The following ADIPOR2 variants were observed in gnomAD, a reference collection of about 807,000 sequenced individuals.
ADIPOR2 encodes the protein adiponectin receptor 2.
A neutral mutation model predicts 40.9 loss-of-function variants in ADIPOR2; 18 were observed. That is an observed-to-expected ratio of 0.44 (90% CI 0.30 to 0.65). The LOEUF is 0.65. ADIPOR2 is among the 30% of genes least tolerant of loss of function. The pLI is 0.09. For missense variants in ADIPOR2, 283 were observed against 479.2 expected (o/e 0.59, Z 3.82); for synonymous variants, 165 against 166.4 (o/e 0.99, Z 0.06).
At chr12:1,695,915 T>A (rs1425262293) in intron 1 of ADIPOR2, 1 of 152,102 alleles carries the variant, frequency 6.6e-6, no homozygotes, top group Non-Finnish European at 1.5e-5. Flanking sequence ...GGAATGCTTA[T>A]TTTTTTTGAC....
At chr12:1,753,988 T>C (rs977533511) in intron 1 of ADIPOR2, among the ~76,000 whole-genome samples, 2 of 152,222 alleles carry the variant, frequency 1.3e-5, no homozygotes, top group Admixed American at 1.3e-4. Flanking sequence ...TATTTTTCAT[T>C]AATTATTCTA....
intron 1 of ADIPOR2, among the ~76,000 whole-genome samples, chr12:1,693,419 A>C (rs1007121480): frequency 5.9e-5 from 9 of 152,246 alleles, no homozygotes; most frequent in African/African-American, 2.2e-4. Context: ...AGTTATTTAC[A>C]AGTACACCAC....
intron 1 of ADIPOR2, among the ~76,000 whole-genome samples, chr12:1,708,922 G>A (rs1459848021): frequency 4.6e-5 from 7 of 152,000 alleles, no homozygotes; most frequent in African/African-American, 9.7e-5. Flanking sequence ...GTTTCACCAT[G>A]TTGGCCAGGC....
intron 1 of ADIPOR2, among the ~76,000 whole-genome samples, chr12:1,710,709 C>T (rs905936371): frequency 6.6e-6 from 1 of 152,014 alleles, no homozygotes; most frequent in African/African-American, 2.4e-5. Flanking sequence ...GAAAGCCATT[C>T]AGCTGCGGGG....
intron 1 of ADIPOR2, among the ~76,000 whole-genome samples, chr12:1,698,236 GTGTATTT>G (rs2094643292): frequency 7.1e-6 from 1 of 140,876 alleles, no homozygotes; most frequent in African/African-American, 2.8e-5. Flanking sequence ...GTGTGTGTGT[GTGTATTT>G]TATTTAATTT....
chr12:1,757,663 T>G (rs756055809), intron 2 of ADIPOR2: 260 of 1,289,782 alleles, frequency 2.0e-4, no homozygotes, highest in Non-Finnish European at 2.0e-4. Flanking sequence ...GTATTTGGCC[T>G]CCTCAGGTGT....
rs912724149 is a variant in ADIPOR2, at chr12:1,748,462, A to C, written c.-86-5796A>C. Among the ~76,000 whole-genome samples, 14 of 152,014 alleles carry C rather than the reference A, an allele frequency of 9.2e-5. 1 individual carries two copies. Among genetic ancestry groups the C allele is most frequent in the Non-Finnish European group, 1.5e-4 (10 of 67,968 alleles). ...ATGGGGTTTCACCGTGTTAGCCAGG[A>C]TGGTCTCAATCTCCTGACCTTGTGA... On this transcript the variant is annotated intron_variant, in intron 1 of 7. Coordinates refer to ENST00000357103, the MANE Select transcript of ADIPOR2 (RefSeq NM_024551.3).
At chr12:1,699,714 C>G (rs2094646430) in intron 1 of ADIPOR2, among the ~76,000 whole-genome samples, 1 of 152,192 alleles carries the variant, frequency 6.6e-6, no homozygotes, top group Non-Finnish European at 1.5e-5. Context: ...TCTCATCTTT[C>G]AACTCTAAGA....
intron 1 of ADIPOR2, among the ~76,000 whole-genome samples, chr12:1,748,861 G>A (rs544917356): frequency 1.1e-4 from 16 of 152,052 alleles, no homozygotes; most frequent in Non-Finnish European, 1.8e-4. Context: ...GCAGACAGCA[G>A]CCTGAGTGTC....
intron 1 of ADIPOR2, among the ~76,000 whole-genome samples, chr12:1,727,873 A>AT: frequency 6.6e-6 from 1 of 151,368 alleles, no homozygotes; most frequent in South Asian, 2.1e-4. Flanking sequence ...AAAAAAAAAA[A>AT]GGATACTGGT....
At chr12:1,752,127 C>T (rs1168446490) in intron 1 of ADIPOR2, among the ~76,000 whole-genome samples, 2 of 149,912 alleles carry the variant, frequency 1.3e-5, no homozygotes, top group African/African-American at 2.4e-5. Context: ...TAGAGGGTTT[C>T]ACCATGTTGG....
chr12:1,717,131 A>G (rs1417730735), intron 1 of ADIPOR2, among the ~76,000 whole-genome samples: 2 of 152,210 alleles, frequency 1.3e-5, no homozygotes, highest in African/African-American at 2.4e-5. Flanking sequence ...TGCCTAGCCT[A>G]CTGTGATAGG....
At chr12:1,784,680 T>C (rs1862793163) in intron 7 of ADIPOR2, among the ~76,000 whole-genome samples, 1 of 152,092 alleles carries the variant, frequency 6.6e-6, no homozygotes, top group Admixed American at 6.5e-5. Flanking sequence ...AAGAGGGAAC[T>C]GGATTGAACT....
intron 1 of ADIPOR2, among the ~76,000 whole-genome samples, chr12:1,726,836 A>G (rs528078784): frequency 2.6e-5 from 4 of 152,204 alleles, no homozygotes; most frequent in Non-Finnish European, 4.4e-5. Context: ...ATTTCCAAAA[A>G]GAAACTCATT....
intron 1 of ADIPOR2, among the ~76,000 whole-genome samples, chr12:1,724,991 C>G (rs1256414599): frequency 3.3e-5 from 5 of 152,146 alleles, no homozygotes; most frequent in Admixed American, 2.6e-4. Flanking sequence ...AAGAGTCACT[C>G]TATACCATCA....
rs758905523 is a variant in ADIPOR2 at position 1,783,996 on chromosome 12, A to G, written c.955A>G (p.Ser319Gly). The G allele has an allele frequency of 6.2e-7, 1 of 1,613,954 alleles. No homozygotes were observed. The highest frequency in any genetic ancestry group is 1.1e-5 in the South Asian group (1 of 91,018). ...GATAGGCTGGTTGATGCTGATGGCC[A>G]GCCTCTACATCACAGGAGCTGCCCT... ...GQIGWLMLMA[S>G]LYITGAALYA... The change falls in exon 7 of 8, where the codon AGC (serine) becomes GGC (glycine). Residue 319 changes from serine (S) to glycine (G), a missense_variant. Physicochemically the swap from Ser to Gly is moderately conservative, Grantham distance 56 (BLOSUM62 0). This residue lies in a region of ADIPOR2 where 106 missense variants were observed against 149.7 expected (regional missense o/e 0.71). Coordinates refer to ENST00000357103, the MANE Select transcript of ADIPOR2 (RefSeq NM_024551.3).
intron 1 of ADIPOR2, among the ~76,000 whole-genome samples, chr12:1,729,034 T>C (rs2094714198): frequency 6.6e-6 from 1 of 151,198 alleles, no homozygotes; most frequent in African/African-American, 2.4e-5. Flanking sequence ...GTTAATACTT[T>C]GGTTCTGTGT....
At chr12:1,779,507 T>C (rs10161408) in intron 4 of ADIPOR2, among the ~76,000 whole-genome samples, 1,866 of 152,190 alleles carry the variant, frequency 0.012, 48 homozygotes, top group African/African-American at 0.043. Context: ...TGTTTAGGGC[T>C]GTAAGGAGTG....
At chr12:1,726,346 TGCCACCACA>T (rs1447513178) in intron 1 of ADIPOR2, among the ~76,000 whole-genome samples, 4 of 152,096 alleles carry the variant, frequency 2.6e-5, no homozygotes, top group Non-Finnish European at 1.5e-5. Context: ...TACAGGTGCA[TGCCACCACA>T]GCCAGCTAAT....
Sources: gnomAD v4.1 joint callset for allele counts (sites outside exome capture counted in the v4.1 genomes callset) on GRCh38, gnomAD v4.1.1 for gene constraint, gnomAD v4.1.1 regional missense constraint, MANE v1.5 for transcripts, NCBI Gene and HGNC (gene_info 2026-07-23, HGNC 2026-07-21) for gene names.